ZFYVE28: variants seen among roughly 807,000 people sequenced by gnomAD.
ZFYVE28 encodes the protein zinc finger FYVE-type containing 28.
In ZFYVE28, 40 loss-of-function variants were observed where a neutral mutation model predicts 82.1. That is an observed-to-expected ratio of 0.49 (90% CI 0.38 to 0.63). ZFYVE28 has a LOEUF of 0.63. ZFYVE28 is among the 30% of genes least tolerant of loss of function. The pLI is 0.00. For synonymous variants in ZFYVE28, 612 were observed against 546.1 expected (o/e 1.12, Z -1.68); for missense variants, 1,321 against 1,242.1 (o/e 1.06, Z -0.96).
chr4:2,365,403 CA>C (rs936131597), intron 1 of ZFYVE28, among the ~76,000 whole-genome samples: 1 of 152,100 alleles, frequency 6.6e-6, no homozygotes, highest in African/African-American at 2.4e-5. Flanking sequence ...AGGGGCCTCT[CA>C]GTGCACGCAG....
intron 1 of ZFYVE28, among the ~76,000 whole-genome samples, chr4:2,365,541 T>C (rs1345669694): frequency 6.6e-6 from 1 of 152,074 alleles, no homozygotes; most frequent in Non-Finnish European, 1.5e-5. Context: ...CTGTCCCTTC[T>C]TCAGGTCCAC....
rs1024872732 is a variant in ZFYVE28, at chr4:2,300,231, G to C, written c.2051+4058C>G. Among the ~76,000 whole-genome samples the C allele has an allele frequency of 2.6e-5, 4 of 152,250 alleles. No individual in the cohort carries two copies. The highest frequency in any genetic ancestry group is 9.6e-5 in the African/African-American group (4 of 41,468). On this transcript the variant is annotated intron_variant, in intron 8 of 12. Transcript: ENST00000290974. This position sits in a 1 kb window ranked among gnomAD's most constrained non-coding sequence, Gnocchi z 4.6. Reference sequence around the variant, plus strand: ...CTTCATGGTGTCCCTGGAAGGAACAGACAACCAGCCTGAGTGGACTTTCTG... The same window carrying C: ...CTTCATGGTGTCCCTGGAAGGAACACACAACCAGCCTGAGTGGACTTTCTG...
chr4:2,385,767 A>G (rs1729193864), intron 1 of ZFYVE28, among the ~76,000 whole-genome samples: 1 of 152,140 alleles, frequency 6.6e-6, no homozygotes, highest in Non-Finnish European at 1.5e-5. Context: ...GGCTTTCACA[A>G]GGCGGGACTT....
At chr4:2,299,893 CTCAAGTGA>C (rs1715250426) in intron 8 of ZFYVE28, among the ~76,000 whole-genome samples, 1 of 152,024 alleles carries the variant, frequency 6.6e-6, no homozygotes, top group Admixed American at 6.6e-5. Context: ...ACCTTCTGGG[CTCAAGTGA>C]TTCTCCTGCT....
rs1732203971 is a variant in ZFYVE28, at chr4:2,408,808, C to T, written c.39+9477G>A. ...AAGCCCCACCTAGATGAAGCCACGC[C>T]CAGGTGAGCCCCGCCCCACGGGCTG... is the stretch of plus-strand genomic sequence containing the variant. On this transcript the variant is annotated intron_variant, in intron 1 of 12. Coordinates refer to ENST00000290974, the MANE Select transcript of ZFYVE28 (RefSeq NM_020972.3). This position sits in a 1 kb window ranked among gnomAD's most constrained non-coding sequence, Gnocchi z 4.3. Among the ~76,000 whole-genome samples the T allele has an allele frequency of 6.6e-6, 1 of 152,070 alleles. No homozygotes were observed. Among genetic ancestry groups the T allele is most frequent in the Admixed American group, 6.5e-5 (1 of 15,276 alleles).
At chr4:2,329,196 G>T (rs60473075) in intron 6 of ZFYVE28, 1 of 674,138 alleles carries the variant, frequency 1.5e-6, no homozygotes, top group South Asian at 1.6e-5. Context: ...AGAATCTGTA[G>T]ATCACTTTAT....
rs140644665 is a variant in ZFYVE28, at chr4:2,304,573, G to A, written c.1767C>T (p.Gly589=). ...CGGCAGCGTACGAGGCACCAATGAC[G>A]CCTCCCGGGCTGCACTTCTCCCGCA... ...ERLREKCSPG[G]VIGASYAAGL... Residue 589 remains glycine, a synonymous_variant, in exon 8 of 13, where the codon GGC becomes GGT. Transcript: ENST00000290974. 167 of 1,612,498 alleles carry A rather than the reference G, an allele frequency of 1.0e-4. No homozygotes were observed. The highest frequency in any genetic ancestry group is 4.7e-4 in the East Asian group (21 of 44,862).
At position 2,339,975 on chromosome 4, in the gene ZFYVE28, T is replaced by C. The variant is rs970314001; in HGVS notation, c.319-320A>G. ...GGGAGGGGAAGGTGGACTGAGGCCC[T>C]TGGGTCTGGGGGCTCCCTGCAGGAG... On this transcript the variant is annotated intron_variant, in intron 3 of 12. Coordinates refer to ENST00000290974, the MANE Select transcript of ZFYVE28 (RefSeq NM_020972.3). This position sits in a 1 kb window ranked among gnomAD's most constrained non-coding sequence, Gnocchi z 5.0. Among the ~76,000 whole-genome samples the C allele has an allele frequency of 1.3e-4, 20 of 151,414 alleles. No individual in the cohort carries two copies. Among genetic ancestry groups the C allele is most frequent in the African/African-American group, 4.6e-4 (19 of 41,176 alleles).
intron 8 of ZFYVE28, among the ~76,000 whole-genome samples, chr4:2,280,232 G>A (rs1419119206): frequency 6.6e-6 from 1 of 152,242 alleles, no homozygotes; most frequent in Non-Finnish European, 1.5e-5. Flanking sequence ...GAGGCGAGGT[G>A]TAGTGGCTCA....
intron 8 of ZFYVE28, 131 bp downstream of exon 8, chr4:2,304,158 G>A: frequency 5.7e-6 from 7 of 1,234,436 alleles, no homozygotes; most frequent in Non-Finnish European, 7.7e-6. Context: ...CCCACACTCG[G>A]CCAGGGCCCA....
rs74816960 is a variant in ZFYVE28, at chr4:2,330,345, G to A, written c.701+5360C>T. 963 of 991,192 alleles carry A rather than the reference G, an allele frequency of 9.7e-4. 23 individuals are homozygous for A. In the East Asian group the frequency reaches 0.068, roughly 70 times the overall value. The allele number at this position is 991,192 out of a possible 1,614,324, so 61.4% of individuals were successfully genotyped here. A position where few individuals can be genotyped will look rare whatever the true frequency, so the allele number is the denominator to read the frequency against. ...CTGGTGGGAGAGGGCTTGGGTGAGCGGTGCAGTGGTGGGGACATCGCAGAG... is the reference window on the plus strand; with the variant it reads ...CTGGTGGGAGAGGGCTTGGGTGAGCAGTGCAGTGGTGGGGACATCGCAGAG... On this transcript the variant is annotated intron_variant, in intron 6 of 12. Coordinates refer to ENST00000290974, the MANE Select transcript of ZFYVE28 (RefSeq NM_020972.3).
At chr4:2,303,549 A>AG (rs1715951101) in intron 8 of ZFYVE28, among the ~76,000 whole-genome samples, 1 of 152,132 alleles carries the variant, frequency 6.6e-6, no homozygotes, top group African/African-American at 2.4e-5. Flanking sequence ...GGTCCTGGCC[A>AG]GGGGGTCAAT....
chr4:2,352,527 G>C (rs1223342098), intron 2 of ZFYVE28, among the ~76,000 whole-genome samples: 1 of 151,734 alleles, frequency 6.6e-6, no homozygotes, highest in Non-Finnish European at 1.5e-5. Context: ...GCCCGAATCA[G>C]ATGATGCTGA....
Position 2,404,539 on chromosome 4 carries a change from A to T in ZFYVE28, c.39+13746T>A, listed in dbSNP as rs1731612310. 3.3e-5 allele frequency among the ~76,000 whole-genome samples: 5 copies of T among 152,204 alleles called. No homozygotes were observed. In the South Asian group the frequency reaches 1.0e-3, roughly 31 times the overall value. The stretch of plus-strand genomic sequence containing the variant: ...TCAGCCATAAAAATGAAATGCTAAC[A>T]CATGCTACAACATGGATGAAACTGG... On this transcript the variant is annotated intron_variant, in intron 1 of 12. Transcript: ENST00000290974.
intron 1 of ZFYVE28, among the ~76,000 whole-genome samples, chr4:2,407,716 G>A (rs981325914): frequency 2.6e-5 from 4 of 152,068 alleles, no homozygotes; most frequent in East Asian, 3.9e-4. Flanking sequence ...TCAGCCTCCC[G>A]AGTAGCTGGG....
chr4:2,288,813 A>C (rs1205206911), intron 8 of ZFYVE28, among the ~76,000 whole-genome samples: 1 of 151,726 alleles, frequency 6.6e-6, no homozygotes. Flanking sequence ...CCCTGTCTCT[A>C]CTAAAAGTTA....
intron 2 of ZFYVE28, chr4:2,342,740 CTA>C (rs1264814733): frequency 6.6e-6 from 1 of 152,140 alleles, no homozygotes. Flanking sequence ...TAAACATTGA[CTA>C]TTCATTCTGT....
At chr4:2,290,848 C>T (rs913018237) in intron 8 of ZFYVE28, among the ~76,000 whole-genome samples, 2 of 152,194 alleles carry the variant, frequency 1.3e-5, no homozygotes, top group African/African-American at 2.4e-5. Context: ...CCCAGCCCTG[C>T]CTGGCCAAGA....
Position 2,304,356 on chromosome 4 carries a change from C to T in ZFYVE28, c.1984G>A (p.Glu662Lys), listed in dbSNP as rs1716161321. The T allele has an allele frequency of 1.2e-6, 2 of 1,609,574 alleles. No homozygotes were observed. The highest frequency in any genetic ancestry group is 1.7e-6 in the Non-Finnish European group (2 of 1,179,896). ...EAGVAGQQEP[E>K]ARELHAGSPS... ...CTCCCAGCATGCAGCTCTCTGGCCT[C>T]TGGCTCCTGCTGACCTGCAACCCCA... Residue 662 changes from glutamate (E) to lysine (K), a missense_variant, in exon 8 of 13, where the codon GAG (glutamate) becomes AAG (lysine). Around this residue, in one of 2 missense-constraint regions of ZFYVE28, gnomAD observed 978 missense variants for 833.7 expected, o/e 1.17. Coordinates refer to ENST00000290974, the MANE Select transcript of ZFYVE28 (RefSeq NM_020972.3).
Sources: gnomAD v4.1 joint callset for allele counts (sites outside exome capture counted in the v4.1 genomes callset) on GRCh38, gnomAD v4.1.1 for gene constraint, gnomAD v4.1.1 regional missense constraint, Gnocchi (gnomAD v3.1) non-coding constraint, MANE v1.5 for transcripts, NCBI Gene and HGNC (gene_info 2026-07-23, HGNC 2026-07-21) for gene names.